Variants in CFAP20DC observed in about 807,000 individuals in gnomAD.
CFAP20DC encodes CFAP20 domain containing.
Under a neutral mutation model 101.7 loss-of-function variants are expected in CFAP20DC, and 84 were observed. The ratio of observed to expected loss-of-function variants is 0.83; its 90% confidence interval spans 0.69 to 0.99. The LOEUF is 0.99. CFAP20DC is among the 50% of genes least tolerant of loss of function. CFAP20DC has a pLI of 0.00. For synonymous variants in CFAP20DC, 359 were observed against 351.2 expected (o/e 1.02, Z -0.25); for missense variants, 1,007 against 970.3 (o/e 1.04, Z -0.50).
At chr3:58,806,541 T>A (rs1225383391) in intron 14 of CFAP20DC, 85 bp from the exon 15 acceptor site, 2 of 996,826 alleles carry the variant, frequency 2.0e-6, no homozygotes, top group African/African-American at 3.2e-5. Context: ...TTACTGTAAC[T>A]GTTTCCTCAG....
intron 7 of CFAP20DC, among the ~76,000 whole-genome samples, chr3:58,878,821 G>A (rs1376179599): frequency 6.6e-6 from 1 of 151,984 alleles, no homozygotes; most frequent in Non-Finnish European, 1.5e-5. Flanking sequence ...ACCATCCTGT[G>A]AATGGTGAAA....
intron 16 of CFAP20DC, among the ~76,000 whole-genome samples, chr3:58,751,788 G>A (rs544462834): frequency 6.6e-6 from 1 of 151,910 alleles, no homozygotes; most frequent in Non-Finnish European, 1.5e-5. Flanking sequence ...CAGTAGTTGT[G>A]GGACCTTGGG....
At chr3:59,019,777 A>G (rs2093765797) in intron 4 of CFAP20DC, among the ~76,000 whole-genome samples, 1 of 152,056 alleles carries the variant, frequency 6.6e-6, no homozygotes, top group Non-Finnish European at 1.5e-5. Context: ...TGGTTAAGGG[A>G]TTCTTGATTC....
rs1299980302 is a variant in CFAP20DC at position 58,899,481 on chromosome 3, G to A, written c.550+14227C>T. On this transcript the variant is annotated intron_variant, in intron 6 of 16. Transcript: ENST00000482387. The surrounding 1 kb of genome is among the most constrained non-coding windows in gnomAD (Gnocchi z 5.0). ...TCCGGGATTCAGTTCCCTTCCTAGGGATGGATCTCCCACCTTGCTGAGAAT... is the reference window on the plus strand; with the variant it reads ...TCCGGGATTCAGTTCCCTTCCTAGGAATGGATCTCCCACCTTGCTGAGAAT... Among the ~76,000 whole-genome samples the A allele has an allele frequency of 2.0e-5, 3 of 152,192 alleles. No individual in the cohort carries two copies. In the East Asian group the frequency reaches 5.8e-4, roughly 29 times the overall value.
chr3:58,979,745 C>T (rs543668036), intron 4 of CFAP20DC, among the ~76,000 whole-genome samples: 1 of 152,012 alleles, frequency 6.6e-6, no homozygotes, highest in Non-Finnish European at 1.5e-5. Flanking sequence ...TTTTCTGAAC[C>T]ATATTATATT....
chr3:58,961,870 T>C (rs2091169193), intron 4 of CFAP20DC, among the ~76,000 whole-genome samples: 1 of 152,200 alleles, frequency 6.6e-6, no homozygotes, highest in South Asian at 2.1e-4. Flanking sequence ...ATGAGCAGTG[T>C]TCTCCTGTTT....
intron 1 of CFAP20DC, 22 bp from the exon 2 acceptor site, chr3:59,047,276 T>C: frequency 6.9e-7 from 1 of 1,455,246 alleles, no homozygotes; most frequent in Non-Finnish European, 9.3e-7. Context: ...AAATAAAATA[T>C]TAAAAGACAA....
At chr3:58,940,981 T>G (rs952359017) in intron 4 of CFAP20DC, among the ~76,000 whole-genome samples, 12 of 152,292 alleles carry the variant, frequency 7.9e-5, no homozygotes, top group African/African-American at 2.9e-4. Context: ...CATCTTTTGT[T>G]AAATTTATTC....
intron 15 of CFAP20DC, among the ~76,000 whole-genome samples, chr3:58,802,249 T>C (rs1385003492): frequency 1.3e-5 from 2 of 152,234 alleles, no homozygotes; most frequent in Non-Finnish European, 2.9e-5. Flanking sequence ...AACCAATAGA[T>C]GGCATTTTAA....
intron 15 of CFAP20DC, among the ~76,000 whole-genome samples, chr3:58,759,692 A>C (rs992529139): frequency 5.3e-5 from 8 of 152,210 alleles, no homozygotes; most frequent in African/African-American, 1.9e-4. Context: ...TCTTTAACCC[A>C]TCTTGAATTA....
Position 58,729,952 on chromosome 3 carries a change from A to C in CFAP20DC, c.198-12324T>G, listed in dbSNP as rs1481029187. Among the ~76,000 whole-genome samples, 1 of 143,566 alleles carries C rather than the reference A, an allele frequency of 7.0e-6. No individual in the cohort carries two copies. Among genetic ancestry groups the C allele is most frequent in the African/African-American group, 2.6e-5 (1 of 38,692 alleles). 94.2% of individuals were successfully genotyped at this position (143,566 alleles called of 152,430 possible). ...AGAATCACTTGAACCCAGGAGGCAGAGGTTGTGGTGAACTGAGATCACGCC... is the reference window on the plus strand; with the variant it reads ...AGAATCACTTGAACCCAGGAGGCAGCGGTTGTGGTGAACTGAGATCACGCC... On this transcript the variant is annotated intron_variant, in intron 3 of 3. Coordinates refer to the CFAP20DC transcript ENST00000486145. This position sits in a 1 kb window ranked among gnomAD's most constrained non-coding sequence, Gnocchi z 4.4.
At chr3:58,891,280 G>T (rs1425333031) in intron 6 of CFAP20DC, among the ~76,000 whole-genome samples, 1 of 151,476 alleles carries the variant, frequency 6.6e-6, no homozygotes, top group African/African-American at 2.4e-5. Flanking sequence ...CAGGCGTGGC[G>T]GCGCGTGCCT....
chr3:58,876,730 G>A (rs538340931), intron 7 of CFAP20DC, among the ~76,000 whole-genome samples: 9 of 152,078 alleles, frequency 5.9e-5, no homozygotes, highest in African/African-American at 1.9e-4. Flanking sequence ...AAATTTGCAC[G>A]GTTTTCAAAG....
intron 4 of CFAP20DC, among the ~76,000 whole-genome samples, chr3:59,026,523 T>C (rs1050987195): frequency 7.9e-5 from 12 of 152,212 alleles, no homozygotes; most frequent in African/African-American, 2.9e-4. Context: ...GAGTTGTGCA[T>C]AGTTACATGG....
At chr3:58,955,160 G>A (rs1050267269) in intron 4 of CFAP20DC, among the ~76,000 whole-genome samples, 1 of 151,950 alleles carries the variant, frequency 6.6e-6, no homozygotes, top group African/African-American at 2.4e-5. Context: ...AGACCAAGAA[G>A]GGCAGAACAA....
At chr3:58,885,030 G>A (rs1230175267) in intron 6 of CFAP20DC, among the ~76,000 whole-genome samples, 3 of 152,092 alleles carry the variant, frequency 2.0e-5, no homozygotes. Flanking sequence ...GAGAGAACTA[G>A]TTAGGTATGT....
At chr3:58,764,436 C>T (rs180737554) in intron 15 of CFAP20DC, among the ~76,000 whole-genome samples, 1 of 152,158 alleles carries the variant, frequency 6.6e-6, no homozygotes, top group Non-Finnish European at 1.5e-5. Flanking sequence ...CCATCTGTCA[C>T]CCCTTTCTTT....
intron 15 of CFAP20DC, among the ~76,000 whole-genome samples, chr3:58,783,655 AAAG>A (rs2107587424): frequency 6.6e-6 from 1 of 152,280 alleles, no homozygotes; most frequent in East Asian, 1.9e-4. Flanking sequence ...ATATTTTTCA[AAAG>A]AAGACATACA....
intron 4 of CFAP20DC, among the ~76,000 whole-genome samples, chr3:58,956,908 C>T (rs1265868135): frequency 1.3e-5 from 2 of 152,130 alleles, no homozygotes; most frequent in East Asian, 1.9e-4. Flanking sequence ...AACTCACTAT[C>T]ACGAGAATAT....
Sources: gnomAD v4.1 joint callset for allele counts (sites outside exome capture counted in the v4.1 genomes callset) on GRCh38, gnomAD v4.1.1 for gene constraint, Gnocchi (gnomAD v3.1) non-coding constraint, MANE v1.5 for transcripts, NCBI Gene and HGNC (gene_info 2026-07-23, HGNC 2026-07-21) for gene names.